Variants in KCNQ4 observed in about 807,000 individuals in gnomAD.
The protein encoded by KCNQ4 is potassium voltage-gated channel subfamily KQT member 4.
In KCNQ4, 31 loss-of-function variants were observed where a neutral mutation model predicts 72.6. The ratio of observed to expected loss-of-function variants is 0.43; its 90% CI spans 0.32 to 0.58. The LOEUF (loss-of-function observed/expected upper bound fraction) is 0.58. Ranked by LOEUF, KCNQ4 falls within the 20% of genes least tolerant of loss-of-function variation. KCNQ4 has a pLI of 0.08. For missense variants in KCNQ4, 869 were observed against 962.6 expected, an observed-to-expected ratio of 0.90 and a Z score of 1.29; for synonymous variants, 405 against 403.7, an observed-to-expected ratio of 1.00 and a Z score of -0.04.
intron 1 of KCNQ4, among the ~76,000 whole-genome samples, chr1:40,807,001 G>A (rs1647785170): frequency 6.6e-6 from 1 of 152,224 alleles, no homozygotes; most frequent in Non-Finnish European, 1.5e-5. Context: ...CGCCACAAAG[G>A]GGCCGGCTGA....
At position 40,794,295 on chromosome 1, in the gene KCNQ4, G is replaced by A. The variant is rs969076338; in HGVS notation, c.314+9888G>A. ...CTGTGGGCAGTGGGGAGCCATACACGGTGACAGGCCAGGGTGGGGACACTG... is the reference window on the plus strand; with the variant it reads ...CTGTGGGCAGTGGGGAGCCATACACAGTGACAGGCCAGGGTGGGGACACTG... On this transcript the variant is annotated intron_variant, in intron 1 of 13. Transcript: ENST00000347132. This position sits in a 1 kb window ranked among gnomAD's most constrained non-coding sequence, Gnocchi z 4.2. Among the ~76,000 whole-genome samples, 7 of 152,200 alleles carry A rather than the reference G, an allele frequency of 4.6e-5. No individual in the cohort carries two copies. Among genetic ancestry groups the A allele is most frequent in the South Asian group, 4.1e-4 (2 of 4,834 alleles).
Position 40,817,295 on chromosome 1 carries a change from G to A in KCNQ4, c.345G>A (p.Leu115=), listed in dbSNP as rs772886129. ...IFLLVFSCLV[L]SVLSTIQEHQ... ...TGCTGGTCTTCAGCTGCCTGGTGCT[G>A]TCTGTGCTGTCCACTATCCAGGAGC... Residue 115 remains leucine, a synonymous_variant, in exon 2 of 14, where the codon CTG becomes CTA. Coordinates refer to ENST00000347132, the MANE Select transcript of KCNQ4 (RefSeq NM_004700.4). The surrounding 1 kb of genome is among the most constrained non-coding windows in gnomAD (Gnocchi z 5.5). 1 of 1,614,026 alleles carries A rather than the reference G, an allele frequency of 6.2e-7. No homozygotes were observed. The highest frequency in any genetic ancestry group is 8.5e-7 in the Non-Finnish European group (1 of 1,179,962).
chr1:40,799,569 T>A (rs12566142), intron 1 of KCNQ4, among the ~76,000 whole-genome samples: 6 of 152,068 alleles, frequency 3.9e-5, no homozygotes, highest in Non-Finnish European at 8.8e-5. Flanking sequence ...TGAGCTGGGC[T>A]ACCTGAGTTG....
At chr1:40,829,083 G>T (rs958386193) in intron 9 of KCNQ4, among the ~76,000 whole-genome samples, 1 of 152,262 alleles carries the variant, frequency 6.6e-6, no homozygotes, top group Non-Finnish European at 1.5e-5. Flanking sequence ...TGACAGGGAG[G>T]TTGCCCTCTT....
At chr1:40,819,662 T>C (rs1000592591) in intron 5 of KCNQ4, among the ~76,000 whole-genome samples, 190 bp downstream of exon 5, 1 of 151,352 alleles carries the variant, frequency 6.6e-6, no homozygotes, top group Non-Finnish European at 1.5e-5. Flanking sequence ...CCTGCCTCTG[T>C]CCCCAGCTAG....
chr1:40,785,823 T>C (rs1647196623), intron 1 of KCNQ4, among the ~76,000 whole-genome samples: 1 of 151,920 alleles, frequency 6.6e-6, no homozygotes, highest in Admixed American at 6.6e-5. Flanking sequence ...GGGAGAAAGA[T>C]GCGGCACAGG....
intron 10 of KCNQ4, 25 bp downstream of exon 10, chr1:40,831,329 G>A (rs372523787): frequency 2.6e-5 from 41 of 1,556,376 alleles, no homozygotes; most frequent in Middle Eastern, 1.7e-4. Flanking sequence ...GGCTGAGTCC[G>A]ATCGAGGGCC....
At chr1:40,831,362 A>C in intron 10 of KCNQ4, 58 bp downstream of exon 10, 1 of 1,425,884 alleles carries the variant, frequency 7.0e-7, no homozygotes, top group Non-Finnish European at 9.7e-7. Flanking sequence ...CAGGGCGGGG[A>C]CAGTCTGGGC....
chr1:40,793,350 T>C (rs1647326827), intron 1 of KCNQ4, among the ~76,000 whole-genome samples: 4 of 152,074 alleles, frequency 2.6e-5, no homozygotes, highest in South Asian at 2.1e-4. Context: ...CTTTTCTCTC[T>C]TGGTTCTATC....
At chr1:40,829,121 G>T (rs1648563949) in intron 9 of KCNQ4, among the ~76,000 whole-genome samples, 1 of 152,240 alleles carries the variant, frequency 6.6e-6, no homozygotes, top group Admixed American at 6.5e-5. Flanking sequence ...AGCCTTATGT[G>T]GTGGGCGCAG....
chr1:40,808,142 G>A (rs1189548600), intron 1 of KCNQ4, among the ~76,000 whole-genome samples: 7 of 152,068 alleles, frequency 4.6e-5, no homozygotes, highest in Admixed American at 4.6e-4. Flanking sequence ...CTGGTGGCTG[G>A]GCAGTCCCCA....
rs55862109 is a variant in KCNQ4, at chr1:40,838,634, A to G, written c.*111A>G. 63,770 of 1,029,490 alleles carry G rather than the reference A, an allele frequency of 0.062. 2,405 individuals carry two copies. Among genetic ancestry groups the G allele is most frequent in the Non-Finnish European group, 0.077 (51,259 of 665,612 alleles). The allele number at this position is 1,029,490 out of a possible 1,614,324, so 63.8% of individuals were successfully genotyped here. ...TACTTGAACTCACTCCCTCACGGGG[A>G]GAGAGACCACACGCAGTATTGAGCT... is the stretch of plus-strand genomic sequence containing the variant. On this transcript the variant is annotated 3_prime_UTR_variant, in exon 14 of 14. Coordinates refer to ENST00000347132, the MANE Select transcript of KCNQ4 (RefSeq NM_004700.4).
intron 1 of KCNQ4, among the ~76,000 whole-genome samples, chr1:40,814,493 C>T (rs564218435): frequency 4.9e-4 from 74 of 152,154 alleles, no homozygotes; most frequent in African/African-American, 1.4e-3. Flanking sequence ...CACTTGAGCC[C>T]AGGAGTTTGA....
intron 1 of KCNQ4, among the ~76,000 whole-genome samples, chr1:40,800,059 G>A (rs1188782311): frequency 6.6e-6 from 1 of 152,154 alleles, no homozygotes; most frequent in African/African-American, 2.4e-5. Context: ...CACATTCCAG[G>A]TAACCCTGGA....
Position 40,838,547 on chromosome 1 carries a change from C to T in KCNQ4, c.*24C>T, listed in dbSNP as rs1444234185. The T allele has an allele frequency of 3.1e-6, 5 of 1,608,046 alleles. No homozygotes were observed. The highest frequency in any genetic ancestry group is 2.2e-5 in the East Asian group (1 of 44,862). ...GAGGGACTTCTCAGAGGCAGGGCAGCACACGGCCAGCCCCGCGGCCTGGCG... is the reference window on the plus strand; with the variant it reads ...GAGGGACTTCTCAGAGGCAGGGCAGTACACGGCCAGCCCCGCGGCCTGGCG... On this transcript the variant is annotated 3_prime_UTR_variant, in exon 14 of 14. Transcript: ENST00000347132.
chr1:40,815,610 C>G (rs989992024), intron 1 of KCNQ4, among the ~76,000 whole-genome samples: 2 of 152,130 alleles, frequency 1.3e-5, no homozygotes, highest in African/African-American at 4.8e-5. Context: ...TGGAACTGGC[C>G]GAGGAATAAG....
intron 7 of KCNQ4, 125 bp from the exon 8 acceptor site, chr1:40,822,189 G>A (rs1291653234): frequency 1.1e-5 from 9 of 788,384 alleles, no homozygotes; most frequent in South Asian, 1.0e-4. Flanking sequence ...TGTGGAATTG[G>A]AACTGGCCTC....
Position 40,837,720 on chromosome 1 carries a change from G to T in KCNQ4, c.1801G>T (p.Asp601Tyr), listed in dbSNP as rs876657838. The T allele has an allele frequency of 2.5e-6, 4 of 1,613,344 alleles. No homozygotes were observed. The highest frequency in any genetic ancestry group is 2.5e-6 in the Non-Finnish European group (3 of 1,179,766). ...PGDRKAREKG[D>Y]KGPSDAEVVD... ...GGACAGGAAGGCCCGGGAGAAGGGC[G>T]ACAAGGGGCCCTCCGACGCGGAGGT... Residue 601 changes from aspartate to tyrosine, a missense_variant, in exon 13 of 14, where the codon GAC becomes TAC. Physicochemically the swap from Asp to Tyr is radical, Grantham distance 160. This residue lies in a region of KCNQ4 where 480 missense variants were observed against 501.9 expected (regional missense o/e 0.96). Coordinates refer to ENST00000347132, the MANE Select transcript of KCNQ4 (RefSeq NM_004700.4).
At chr1:40,822,293 C>T (rs1648323713) in intron 7 of KCNQ4, 21 bp from the exon 8 acceptor site, 14 of 1,607,984 alleles carry the variant, frequency 8.7e-6, no homozygotes, top group Non-Finnish European at 1.1e-5. Flanking sequence ...GCCCCATCCC[C>T]CACGTCCCCC....
Sources: allele counts gnomAD v4.1 joint callset (sites outside exome capture counted in the v4.1 genomes callset), GRCh38; gene constraint gnomAD v4.1.1; regional missense constraint gnomAD v4.1.1; non-coding constraint Gnocchi (gnomAD v3.1); transcripts MANE v1.5; gene names NCBI Gene and HGNC (gene_info 2026-07-23, HGNC 2026-07-21).